LPP: variants seen among roughly 807,000 people sequenced by gnomAD.
The protein encoded by LPP is lipoma-preferred partner.
A neutral mutation model predicts 60.4 loss-of-function variants in LPP; 38 were observed. The observed-to-expected ratio is 0.63, with a 90% CI of 0.49 to 0.83. The LOEUF is 0.83. Among genes scored for constraint, LPP ranks in the 40% least tolerant of loss-of-function variants. The pLI, the probability that LPP is intolerant of heterozygous loss-of-function variation, is 0.00. For synonymous variants in LPP, 328 were observed against 290.8 expected, an observed-to-expected ratio of 1.13 and a Z score of -1.30; for missense variants, 902 against 783.6, an observed-to-expected ratio of 1.15 and a Z score of -1.80.
intron 7 of LPP, among the ~76,000 whole-genome samples, chr3:188,648,151 T>C (rs914577596): frequency 6.6e-6 from 1 of 152,226 alleles, no homozygotes; most frequent in Non-Finnish European, 1.5e-5. Context: ...AGTAGTACTT[T>C]AGTTGACTTG....
intron 3 of LPP, among the ~76,000 whole-genome samples, chr3:188,355,610 A>C (rs902575786): frequency 3.9e-5 from 6 of 152,184 alleles, no homozygotes; most frequent in Non-Finnish European, 7.3e-5. Flanking sequence ...GAAAAAATAT[A>C]TACAAGTAAT....
intron 7 of LPP, among the ~76,000 whole-genome samples, chr3:188,645,720 A>G (rs1392754988): frequency 2.0e-5 from 3 of 151,984 alleles, no homozygotes; most frequent in Non-Finnish European, 4.4e-5. Flanking sequence ...TTTTAAAGGG[A>G]TAGTGCATTT....
intron 1 of LPP, among the ~76,000 whole-genome samples, chr3:188,219,877 C>T (rs988831155): frequency 6.6e-6 from 1 of 152,174 alleles, no homozygotes; most frequent in Non-Finnish European, 1.5e-5. Context: ...ATAGAACTCC[C>T]AATCCTCCTG....
intron 9 of LPP, among the ~76,000 whole-genome samples, chr3:188,774,186 T>C (rs1400228605): frequency 6.6e-6 from 1 of 152,210 alleles, no homozygotes; most frequent in Non-Finnish European, 1.5e-5. Context: ...TTTTTTTCTT[T>C]TTAATGTCGG....
chr3:188,416,165 C>T (rs1017080982), intron 4 of LPP, among the ~76,000 whole-genome samples: 4 of 152,116 alleles, frequency 2.6e-5, no homozygotes, highest in African/African-American at 7.2e-5. Flanking sequence ...GTATTCTTCT[C>T]TTACTCAAAG....
At chr3:188,586,805 G>A (rs1327693676) in intron 6 of LPP, among the ~76,000 whole-genome samples, 4 of 150,230 alleles carry the variant, frequency 2.7e-5, no homozygotes, top group African/African-American at 9.8e-5. Context: ...TTGGCTCACT[G>A]CAACCTCCAC....
chr3:188,248,468 T>TTATATATATAGTTATATATA (rs528762603), intron 2 of LPP, among the ~76,000 whole-genome samples: 13 of 84,148 alleles, frequency 1.5e-4, no homozygotes, highest in Non-Finnish European at 2.9e-4. Context: ...CAGTATAACT[T>TTATATATATAGTTATATATA]TATATATATA....
rs1307560489 is a variant in LPP at position 188,878,888 on chromosome 3, A to G, written c.*4409A>G. On this transcript the variant is annotated 3_prime_UTR_variant, in exon 12 of 12. Transcript: ENST00000617246. ...TCATAGGTCTTTAAATGAGTAAAACATTTTTATGCCAGAAGGTGATATAAT... is the reference window on the plus strand; with the variant it reads ...TCATAGGTCTTTAAATGAGTAAAACGTTTTTATGCCAGAAGGTGATATAAT... 5 of 222,036 alleles carry G rather than the reference A, an allele frequency of 2.3e-5. No homozygotes were observed. Among genetic ancestry groups the G allele is most frequent in the Admixed American group, 5.7e-5 (1 of 17,410 alleles). 13.8% of individuals were successfully genotyped at this position (222,036 alleles called of 1,614,324 possible). A position where few individuals can be genotyped will look rare whatever the true frequency, so the allele number is the denominator to read the frequency against.
chr3:188,546,758 C>T (rs1826765591), intron 6 of LPP, among the ~76,000 whole-genome samples: 1 of 152,174 alleles, frequency 6.6e-6, no homozygotes, highest in South Asian at 2.1e-4. Flanking sequence ...ATTAACTCTT[C>T]CATATTGGGA....
intron 7 of LPP, among the ~76,000 whole-genome samples, chr3:188,678,928 A>C (rs1287868841): frequency 6.6e-6 from 1 of 152,232 alleles, no homozygotes; most frequent in African/African-American, 2.4e-5. Flanking sequence ...TCACTTGAAG[A>C]ATGGCAGTTA....
At chr3:188,867,597 G>C (rs1484684897) in intron 10 of LPP, among the ~76,000 whole-genome samples, 1 of 152,106 alleles carries the variant, frequency 6.6e-6, no homozygotes, top group Non-Finnish European at 1.5e-5. Flanking sequence ...ACCTGCCTCA[G>C]CCTCCCAAAG....
chr3:188,169,336 C>T lies in LPP; in HGVS notation c.-190+15084C>T, dbSNP rs181144452. The stretch of plus-strand genomic sequence containing the variant: ...TTATCCGTGTAACACGTATTATTGG[C>T]TTGCAGTGTGTAAGGCACTTAGCTG... On this transcript the variant is annotated intron_variant, in intron 1 of 11. Transcript: ENST00000617246. 5.3e-5 allele frequency among the ~76,000 whole-genome samples: 8 copies of T among 152,286 alleles called. No individual in the cohort carries two copies. In the East Asian group the frequency reaches 1.4e-3, roughly 26 times the overall value.
chr3:188,154,417 G>C lies in LPP; in HGVS notation c.-190+165G>C, dbSNP rs183110215. Among the ~76,000 whole-genome samples, 529 of 152,168 alleles carry C rather than the reference G, an allele frequency of 3.5e-3. 2 individuals are homozygous for C. The highest frequency in any genetic ancestry group is 6.6e-3 in the Non-Finnish European group (448 of 67,962). On this transcript the variant is annotated intron_variant, in intron 1 of 11. Coordinates refer to ENST00000617246, the MANE Select transcript of LPP (RefSeq NM_001375462.1). ...GAAGTGCCGGCCGCGGCCCAATCAC[G>C]GGGTGCACGCCATGGGGGAGGGGGA...
At chr3:188,433,101 C>T (rs1791360610) in intron 4 of LPP, among the ~76,000 whole-genome samples, 1 of 151,610 alleles carries the variant, frequency 6.6e-6, no homozygotes. Flanking sequence ...TGGAGATTAA[C>T]TCAGAACATT....
At chr3:188,201,142 C>G (rs556886905) in intron 1 of LPP, among the ~76,000 whole-genome samples, 1 of 152,312 alleles carries the variant, frequency 6.6e-6, no homozygotes, top group African/African-American at 2.4e-5. Context: ...TAAACACTTA[C>G]TATGGACCTG....
rs139024369 is a variant in LPP, at chr3:188,458,734, T to C, written c.194-25858T>C. Among the ~76,000 whole-genome samples, 15 of 152,310 alleles carry C rather than the reference T, an allele frequency of 9.8e-5. No individual in the cohort carries two copies. In the East Asian group the frequency reaches 2.7e-3, roughly 27 times the overall value. On this transcript the variant is annotated intron_variant, in intron 4 of 11. Transcript: ENST00000617246. ...AAACATCTCTCAACCATAAATAACATGTCAGGAGAGCTCTTTTGCAAGATG... is the reference window on the plus strand; with the variant it reads ...AAACATCTCTCAACCATAAATAACACGTCAGGAGAGCTCTTTTGCAAGATG...
At chr3:188,652,752 A>G (rs1261603403) in intron 7 of LPP, among the ~76,000 whole-genome samples, 1 of 152,100 alleles carries the variant, frequency 6.6e-6, no homozygotes, top group Non-Finnish European at 1.5e-5. Flanking sequence ...TAATAATTAA[A>G]CATCCCCTGG....
chr3:188,472,337 G>A (rs1391995930), intron 4 of LPP, among the ~76,000 whole-genome samples: 1 of 151,980 alleles, frequency 6.6e-6, no homozygotes, highest in Non-Finnish European at 1.5e-5. Context: ...CTAGCAGGTG[G>A]TGAAGTAAAT....
chr3:188,840,286 G>A (rs1759600219), intron 9 of LPP, among the ~76,000 whole-genome samples: 1 of 152,078 alleles, frequency 6.6e-6, no homozygotes, highest in African/African-American at 2.4e-5. Context: ...AGAGAATTTG[G>A]GGTCACTGGA....
Sources: allele counts gnomAD v4.1 joint callset (sites outside exome capture counted in the v4.1 genomes callset), GRCh38; gene constraint gnomAD v4.1.1; transcripts MANE v1.5; gene names NCBI Gene and HGNC (gene_info 2026-07-23, HGNC 2026-07-21).